The following PTPN3 variants were observed in gnomAD, a reference collection of about 807,000 sequenced individuals.
PTPN3 encodes the protein tyrosine-protein phosphatase non-receptor type 3.
In PTPN3, 96 loss-of-function variants were observed where a neutral mutation model predicts 132.7. The observed-to-expected ratio is 0.72, with a 90% CI of 0.61 to 0.86. PTPN3 has a LOEUF of 0.86. PTPN3 is among the 40% of genes least tolerant of loss of function. PTPN3 has a pLI of 0.00. For synonymous variants in PTPN3, 398 were observed against 429.0 expected, an observed-to-expected ratio of 0.93 and a Z score of 0.89; for missense variants, 1,125 against 1,159.6, an observed-to-expected ratio of 0.97 and a Z score of 0.43.
upstream of PTPN3, among the ~76,000 whole-genome samples, chr9:109,500,768 A>C (rs1276846769): frequency 6.6e-6 from 1 of 150,984 alleles, no homozygotes; most frequent in Admixed American, 6.6e-5. Flanking sequence ...CCATCTTTAC[A>C]AAAAAAAACT....
the PTPN3 span, chr9:109,533,958 C>T: frequency 1.3e-6 from 1 of 756,896 alleles, no homozygotes; most frequent in Non-Finnish European, 2.4e-6. Context: ...GGACCTATAA[C>T]ATGTGCTGCC....
chr9:109,475,807 CAAG>C (rs1205212921), intron 1 of PTPN3, among the ~76,000 whole-genome samples: 2 of 152,142 alleles, frequency 1.3e-5, no homozygotes, highest in African/African-American at 4.8e-5. Flanking sequence ...GCATACCAGC[CAAG>C]AAGCTGGAAT....
At chr9:109,381,952 C>G (rs955412071) in intron 24 of PTPN3, among the ~76,000 whole-genome samples, 165 bp from the exon 25 acceptor site, 5 of 152,208 alleles carry the variant, frequency 3.3e-5, no homozygotes, top group African/African-American at 4.8e-5. Flanking sequence ...GACAGCCTGT[C>G]CTCACACATC....
intron 4 of PTPN3, 153 bp downstream of exon 4, chr9:109,457,020 G>A: frequency 1.4e-6 from 1 of 730,334 alleles, no homozygotes; most frequent in Non-Finnish European, 2.3e-6. Flanking sequence ...TGCTGACTCA[G>A]AAGTCAGACA....
At chr9:109,431,646 C>T (rs1843671307) in intron 10 of PTPN3, among the ~76,000 whole-genome samples, 1 of 152,230 alleles carries the variant, frequency 6.6e-6, no homozygotes, top group Admixed American at 6.5e-5. Context: ...GCTGTCGTCA[C>T]ATTTTTTGGT....
At chr9:109,426,860 C>T in intron 12 of PTPN3, 90 bp downstream of exon 12, 1 of 1,403,518 alleles carries the variant, frequency 7.1e-7, no homozygotes, top group Admixed American at 2.1e-5. Flanking sequence ...TGGGTTTCCT[C>T]CTCTGCCTAA....
chr9:109,503,694 C>A, the PTPN3 span, among the ~76,000 whole-genome samples: 1 of 148,856 alleles, frequency 6.7e-6, no homozygotes, highest in Non-Finnish European at 1.5e-5. Flanking sequence ...GCCTGGGCAA[C>A]AGAGTGAGAC....
the PTPN3 span, chr9:109,533,736 G>A: frequency 4.8e-6 from 7 of 1,448,922 alleles, no homozygotes; most frequent in Admixed American, 4.3e-5. Flanking sequence ...TAGGGTCTCC[G>A]CATGTAGGAA....
the PTPN3 span, chr9:109,533,611 T>A: frequency 1.9e-6 from 3 of 1,538,500 alleles, no homozygotes; most frequent in Non-Finnish European, 2.7e-6. Flanking sequence ...GTGGTCTATA[T>A]CCCTGATATA....
chr9:109,492,332 T>C (rs759942372), intron 1 of PTPN3, among the ~76,000 whole-genome samples: 8 of 152,126 alleles, frequency 5.3e-5, no homozygotes, highest in Admixed American at 2.6e-4. Context: ...CAGCACAGCA[T>C]TCAGGCAGCC....
chr9:109,536,551 A>G, the PTPN3 span, among the ~76,000 whole-genome samples: 2 of 152,212 alleles, frequency 1.3e-5, no homozygotes, highest in Non-Finnish European at 2.9e-5. Context: ...GGACTGTGCC[A>G]TCTGTGAATC....
At chr9:109,534,207 G>A in the PTPN3 span, 2 of 1,252,596 alleles carry the variant, frequency 1.6e-6, no homozygotes, top group South Asian at 2.4e-5. Flanking sequence ...CTGATGTGAA[G>A]CCTCCCGGGC....
chr9:109,481,621 A>T (rs1846961548), intron 1 of PTPN3, among the ~76,000 whole-genome samples: 1 of 151,582 alleles, frequency 6.6e-6, no homozygotes. Flanking sequence ...TCTCCCTCTC[A>T]CCCTACTTTA....
At position 109,485,953 on chromosome 9, in the gene PTPN3, GT is replaced by G. The variant is rs369287461; in HGVS notation, c.-18+12265del. Among the ~76,000 whole-genome samples the G allele has an allele frequency of 4.4e-3, 667 of 152,330 alleles. 2 individuals are homozygous for G. The highest frequency in any genetic ancestry group is 5.4e-3 in the Admixed American group (82 of 15,292). The stretch of plus-strand genomic sequence containing the variant: ...ATAACCACTGCAACAGCAAATCTAA[GT>G]TTACGATTGAAAACATTTAAGGTTA... On this transcript the variant is annotated intron_variant, in intron 1 of 25. Transcript: ENST00000374541.
the PTPN3 span, chr9:109,533,418 T>C: frequency 6.9e-6 from 8 of 1,158,994 alleles, no homozygotes; most frequent in South Asian, 9.2e-5. Flanking sequence ...AGTGCTGGGA[T>C]TACAGGCATG....
the PTPN3 span, among the ~76,000 whole-genome samples, chr9:109,506,456 C>T: frequency 6.6e-6 from 1 of 151,194 alleles, no homozygotes; most frequent in African/African-American, 2.4e-5. Context: ...ATTTTTCTTT[C>T]TTTCATTTCT....
intron 11 of PTPN3, 130 bp downstream of exon 11, chr9:109,428,491 G>A: frequency 1.1e-6 from 1 of 887,180 alleles, no homozygotes; most frequent in Non-Finnish European, 1.7e-6. Flanking sequence ...CATGTTTCTA[G>A]TCCCAGCTAC....
intron 24 of PTPN3, 121 bp downstream of exon 24, chr9:109,382,181 G>A: frequency 1.6e-6 from 2 of 1,240,136 alleles, no homozygotes; most frequent in Non-Finnish European, 2.2e-6. Flanking sequence ...ACAGTCAACA[G>A]AGGTTTGTAA....
Position 109,410,252 on chromosome 9 carries a change from C to A in PTPN3, c.1477G>T (p.Ala493Ser). Reference sequence around the variant, plus strand: ...ACCTTGTCACAGTAGTACTGGCTGGCGTCCTCGGTGGAGCCCCCTTTGGTC... The same window carrying A: ...ACCTTGTCACAGTAGTACTGGCTGGAGTCCTCGGTGGAGCCCCCTTTGGTC... ...RVTKGGSTED[A>S]SQYYCDKNDN... Residue 493 changes from alanine (A) to serine (S), a missense_variant, in exon 15 of 26, where the codon GCC becomes TCC. Physicochemically the swap from Ala to Ser is moderately conservative, Grantham distance 99. Transcript: ENST00000374541. 6.2e-7 allele frequency: 1 copy of A among 1,613,426 alleles called. No homozygotes were observed. Among genetic ancestry groups the A allele is most frequent in the Non-Finnish European group, 8.5e-7 (1 of 1,179,934 alleles).
Sources: gnomAD v4.1 joint callset for allele counts (sites outside exome capture counted in the v4.1 genomes callset) on GRCh38, gnomAD v4.1.1 for gene constraint, MANE v1.5 for transcripts, NCBI Gene and HGNC (gene_info 2026-07-23, HGNC 2026-07-21) for gene names.